Variants in PCDH15 observed in about 807,000 individuals in gnomAD.
The protein encoded by PCDH15 is protocadherin-15.
A neutral mutation model predicts 178.5 loss-of-function variants in PCDH15; 129 were observed. The ratio of observed to expected loss-of-function variants is 0.72; its 90% CI spans 0.63 to 0.84. The LOEUF is 0.84. PCDH15 is among the 40% of genes least tolerant of loss of function. PCDH15 has a pLI of 0.00. For synonymous variants in PCDH15, 800 were observed against 732.0 expected (o/e 1.09, Z -1.50); for missense variants, 2,230 against 2,099.9 (o/e 1.06, Z -1.21).
At position 54,954,569 on chromosome 10, in the gene PCDH15, A is replaced by G. The variant is rs114518832; in HGVS notation, c.-79-57069T>C. Among the ~76,000 whole-genome samples the G allele has an allele frequency of 7.5e-3, 1,142 of 151,338 alleles. 16 individuals carry two copies. Among genetic ancestry groups the G allele is most frequent in the African/African-American group, 0.026 (1,086 of 41,498 alleles). On this transcript the variant is annotated intron_variant, in intron 2 of 5. Coordinates refer to the PCDH15 transcript ENST00000458638. ...AATCTACCATTATGCCCTGACCTCT[A>G]CAGTTATTCCAACAAAACACCATTT...
intron 2 of PCDH15, among the ~76,000 whole-genome samples, chr10:55,091,442 T>C (rs1842314520): frequency 6.7e-6 from 1 of 149,522 alleles, no homozygotes; most frequent in African/African-American, 2.5e-5. Context: ...TAAAAAATGC[T>C]AATGCTATAG....
chr10:54,539,473 T>A (rs2084954792), intron 2 of PCDH15, among the ~76,000 whole-genome samples: 1 of 152,160 alleles, frequency 6.6e-6, no homozygotes, highest in African/African-American at 2.4e-5. Context: ...GCATCCAAAT[T>A]CATGAAACAA....
chr10:54,146,596 A>T (rs1424773545), intron 14 of PCDH15, among the ~76,000 whole-genome samples: 1 of 151,810 alleles, frequency 6.6e-6, no homozygotes, highest in East Asian at 1.9e-4. Context: ...TCTCAAAAAA[A>T]AGTAAAACAA....
chr10:55,084,993 C>A lies in PCDH15; in HGVS notation c.-80+81583G>T, dbSNP rs116219600. Among the ~76,000 whole-genome samples, 372 of 151,986 alleles carry A rather than the reference C, an allele frequency of 2.4e-3. 1 individual carries two copies. The highest frequency in any genetic ancestry group is 0.01 in the Middle Eastern group (3 of 294). ...TTGTTGGTGGGAATGTAAATTAGTA[C>A]AGCCATTACAGAGAACAGTATGGAA... On this transcript the variant is annotated intron_variant, in intron 2 of 5. Transcript: ENST00000458638.
At chr10:55,157,747 T>C (rs1346954947) in intron 2 of PCDH15, among the ~76,000 whole-genome samples, 9 of 151,878 alleles carry the variant, frequency 5.9e-5, no homozygotes, top group Non-Finnish European at 7.4e-5. Flanking sequence ...TAGGTGGGAA[T>C]TGAACAATGA....
chr10:54,615,429 C>T (rs928036323), intron 2 of PCDH15, among the ~76,000 whole-genome samples: 16 of 151,972 alleles, frequency 1.1e-4, no homozygotes, highest in African/African-American at 2.2e-4. Flanking sequence ...GTTAATCCAA[C>T]GGATGTGCAT....
chr10:55,589,471 A>G (rs1413455384), intron 2 of PCDH15, among the ~76,000 whole-genome samples: 4 of 152,054 alleles, frequency 2.6e-5, no homozygotes, highest in Non-Finnish European at 5.9e-5. Flanking sequence ...ATGGGATCTA[A>G]TTAAACTAAA....
intron 2 of PCDH15, among the ~76,000 whole-genome samples, chr10:55,096,507 G>A (rs1168575360): frequency 1.3e-5 from 2 of 152,056 alleles, no homozygotes; most frequent in Non-Finnish European, 2.9e-5. Context: ...CAATACTTAA[G>A]ATCTACTTTT....
At chr10:54,551,451 A>C (rs1447220197) in intron 2 of PCDH15, among the ~76,000 whole-genome samples, 1 of 152,100 alleles carries the variant, frequency 6.6e-6, no homozygotes, top group Admixed American at 6.6e-5. Context: ...AACAGAATGA[A>C]GCTCATTAAA....
chr10:53,991,299 C>A (rs1031349870), intron 21 of PCDH15, among the ~76,000 whole-genome samples: 1 of 152,206 alleles, frequency 6.6e-6, no homozygotes, highest in East Asian at 1.9e-4. Flanking sequence ...ACTTGGAGAA[C>A]TTTTATGTCT....
At chr10:55,529,741 G>GTGTATATATATATATATATATA (rs1554881517) in intron 2 of PCDH15, among the ~76,000 whole-genome samples, 1 of 62,772 alleles carries the variant, frequency 1.6e-5, no homozygotes. Context: ...TTGTCTGTGA[G>GTGTATATATATATATATATATA]TATATATATA....
chr10:53,821,821 A>C (rs774473420), intron 32 of PCDH15: 1 of 1,609,688 alleles, frequency 6.2e-7, no homozygotes, highest in East Asian at 2.2e-5. Flanking sequence ...ACTATGATCA[A>C]CAAGAGGTTT....
intron 2 of PCDH15, among the ~76,000 whole-genome samples, chr10:55,016,553 T>A (rs547752094): frequency 1.1e-4 from 16 of 152,102 alleles, no homozygotes; most frequent in Non-Finnish European, 2.1e-4. Context: ...CCAGTAACCA[T>A]CATAAACATT....
chr10:54,108,153 C>A (rs1185626294), intron 15 of PCDH15, among the ~76,000 whole-genome samples: 1 of 152,104 alleles, frequency 6.6e-6, no homozygotes, highest in Non-Finnish European at 1.5e-5. Context: ...AAACAAACAA[C>A]TTTCATAACA....
intron 24 of PCDH15, 114 bp from the exon 25 acceptor site, chr10:53,939,069 G>A (rs1366008772): frequency 2.9e-6 from 3 of 1,032,046 alleles, no homozygotes; most frequent in Admixed American, 2.0e-5. Flanking sequence ...TATAACTAGA[G>A]TGATGCATGA....
chr10:55,108,028 G>T (rs1591908993), intron 2 of PCDH15, among the ~76,000 whole-genome samples: 1 of 152,196 alleles, frequency 6.6e-6, no homozygotes, highest in African/African-American at 2.4e-5. Flanking sequence ...TGATAGAATT[G>T]GTGCCCATAT....
chr10:53,943,483 CA>C (rs2086250732), intron 23 of PCDH15, among the ~76,000 whole-genome samples: 1 of 148,820 alleles, frequency 6.7e-6, no homozygotes, highest in Admixed American at 6.7e-5. Context: ...CTCAAAAAAA[CA>C]AAAACAAACA....
At chr10:54,808,956 A>C (rs76918402) in intron 3 of PCDH15, among the ~76,000 whole-genome samples, 1 of 151,052 alleles carries the variant, frequency 6.6e-6, no homozygotes. Flanking sequence ...AAAAAAAAAA[A>C]CCAACACAGA....
At chr10:55,313,487 C>A (rs760716569) in intron 1 of PCDH15, among the ~76,000 whole-genome samples, 11 of 152,076 alleles carry the variant, frequency 7.2e-5, no homozygotes, top group Non-Finnish European at 1.0e-4. Context: ...GATGGCGTTA[C>A]GGATGTTGAA....
Sources: gnomAD v4.1 joint callset for allele counts (sites outside exome capture counted in the v4.1 genomes callset) on GRCh38, gnomAD v4.1.1 for gene constraint, MANE v1.5 for transcripts, NCBI Gene and HGNC (gene_info 2026-07-23, HGNC 2026-07-21) for gene names.